TAFA1: variants seen among roughly 807,000 people sequenced by gnomAD.
TAFA1 encodes the protein chemokine-like protein TAFA-1.
In TAFA1, 4 loss-of-function variants were observed where a neutral mutation model predicts 18.5. The ratio of observed to expected loss-of-function variants is 0.22; its 90% CI spans 0.11 to 0.49. TAFA1 has a LOEUF of 0.49. Among genes scored for constraint, TAFA1 ranks in the 20% least tolerant of loss-of-function variants. The pLI, the probability that TAFA1 is intolerant of heterozygous loss-of-function variation, is 0.98. For missense variants in TAFA1, 147 were observed against 169.0 expected (o/e 0.87, Z 0.72); for synonymous variants, 56 against 55.2 (o/e 1.01, Z -0.06).
intron 2 of TAFA1, among the ~76,000 whole-genome samples, chr3:68,157,568 T>C (rs1476581648): frequency 6.6e-6 from 1 of 152,232 alleles, no homozygotes; most frequent in Non-Finnish European, 1.5e-5. Flanking sequence ...CTAAGAAATC[T>C]TATGGTCTCA....
rs184672129 is a variant in TAFA1, at chr3:68,233,356, T to C, written c.119-183924T>C. ...ATTGTACAAAAGCTTTTTAGTCTAA[T>C]ATAGTTTTTCAGTACCATTTATGGA... On this transcript the variant is annotated intron_variant, in intron 2 of 4. Transcript: ENST00000478136. Among the ~76,000 whole-genome samples, 7 of 152,334 alleles carry C rather than the reference T, an allele frequency of 4.6e-5. No homozygotes were observed. In the East Asian group the frequency reaches 1.3e-3, roughly 29 times the overall value.
At chr3:68,499,170 AC>A (rs2072609618) in intron 3 of TAFA1, among the ~76,000 whole-genome samples, 1 of 152,106 alleles carries the variant, frequency 6.6e-6, no homozygotes, top group African/African-American at 2.4e-5. Flanking sequence ...TTTCATTTAT[AC>A]TAAACAACTC....
At chr3:68,523,450 G>A (rs779233452) in intron 3 of TAFA1, among the ~76,000 whole-genome samples, 14 of 152,082 alleles carry the variant, frequency 9.2e-5, no homozygotes, top group East Asian at 1.9e-4. Flanking sequence ...AATTTCTTAG[G>A]ATCAATTTGA....
At chr3:68,293,614 T>G (rs1367563537) in intron 2 of TAFA1, among the ~76,000 whole-genome samples, 4 of 152,222 alleles carry the variant, frequency 2.6e-5, no homozygotes, top group African/African-American at 9.6e-5. Context: ...TAAGAATTAA[T>G]GAGATATTGC....
intron 3 of TAFA1, among the ~76,000 whole-genome samples, chr3:68,498,895 A>C (rs2072604313): frequency 6.6e-6 from 1 of 151,996 alleles, no homozygotes; most frequent in Admixed American, 6.6e-5. Flanking sequence ...AAGGAGATAT[A>C]TTTTTTAACA....
At chr3:68,541,960 G>A (rs980411597) in intron 4 of TAFA1, among the ~76,000 whole-genome samples, 6 of 152,080 alleles carry the variant, frequency 3.9e-5, no homozygotes, top group Non-Finnish European at 8.8e-5. Flanking sequence ...AAATGTGGTG[G>A]TTCATCTAAA....
At chr3:68,022,929 T>G (rs1356095397) in intron 2 of TAFA1, among the ~76,000 whole-genome samples, 2 of 148,506 alleles carry the variant, frequency 1.3e-5, no homozygotes, top group Non-Finnish European at 3.0e-5. Flanking sequence ...ATTATTTCAT[T>G]AATCCTTATA....
chr3:68,388,809 G>T (rs2070164342), intron 2 of TAFA1, among the ~76,000 whole-genome samples: 1 of 151,896 alleles, frequency 6.6e-6, no homozygotes. Flanking sequence ...GGGACCTTTT[G>T]GATGGTGTTT....
chr3:68,501,884 C>T (rs1485310638), intron 3 of TAFA1, among the ~76,000 whole-genome samples: 1 of 152,134 alleles, frequency 6.6e-6, no homozygotes, highest in Non-Finnish European at 1.5e-5. Context: ...AGCATAGAGA[C>T]GTGTAGTGTG....
chr3:68,485,392 G>T (rs1253198558), intron 3 of TAFA1, among the ~76,000 whole-genome samples: 3 of 152,090 alleles, frequency 2.0e-5, no homozygotes, highest in Non-Finnish European at 4.4e-5. Context: ...GTTGTACTTT[G>T]CCACTGGCTT....
chr3:68,055,814 T>C (rs1000360612), intron 2 of TAFA1, among the ~76,000 whole-genome samples: 30 of 152,134 alleles, frequency 2.0e-4, no homozygotes, highest in Admixed American at 2.0e-3. Context: ...TGCCTTAGAA[T>C]GTTGGCTGGG....
intron 2 of TAFA1, among the ~76,000 whole-genome samples, chr3:68,257,797 G>A (rs2067328252): frequency 6.6e-6 from 1 of 152,076 alleles, no homozygotes; most frequent in African/African-American, 2.4e-5. Context: ...TAACCTCACA[G>A]TGGATAAACT....
chr3:68,347,739 G>A (rs1340550200), intron 2 of TAFA1, among the ~76,000 whole-genome samples: 1 of 152,202 alleles, frequency 6.6e-6, no homozygotes, highest in Non-Finnish European at 1.5e-5. Context: ...AAAGAGTAGA[G>A]GCAAGAGGTT....
intron 3 of TAFA1, among the ~76,000 whole-genome samples, chr3:68,479,237 A>ATATAT (rs1314184316): frequency 3.9e-5 from 5 of 126,910 alleles, no homozygotes; most frequent in African/African-American, 1.8e-4. Context: ...CTCAAAAAAA[A>ATATAT]AAAAATATAT....
intron 2 of TAFA1, among the ~76,000 whole-genome samples, chr3:68,392,176 C>CAA (rs57440480): frequency 3.7e-5 from 4 of 109,306 alleles, no homozygotes; most frequent in African/African-American, 1.0e-4. Flanking sequence ...TTTAGGAAAG[C>CAA]AAAAAAAAAA....
chr3:68,408,621 C>G (rs1174644313), intron 2 of TAFA1, among the ~76,000 whole-genome samples: 1 of 152,132 alleles, frequency 6.6e-6, no homozygotes, highest in Non-Finnish European at 1.5e-5. Flanking sequence ...CCCTCCCTCT[C>G]TTTCTTTCCT....
intron 2 of TAFA1, among the ~76,000 whole-genome samples, chr3:68,075,912 G>C (rs954925399): frequency 1.3e-5 from 2 of 152,110 alleles, no homozygotes; most frequent in African/African-American, 4.8e-5. Flanking sequence ...TCCCAGGCTG[G>C]TCTTGAACTC....
intron 3 of TAFA1, among the ~76,000 whole-genome samples, chr3:68,424,266 G>A (rs2071013569): frequency 6.6e-6 from 1 of 151,892 alleles, no homozygotes; most frequent in South Asian, 2.1e-4. Context: ...TGACAGAGAA[G>A]ATGAGACAGA....
chr3:68,389,021 C>G lies in TAFA1; in HGVS notation c.119-28259C>G, dbSNP rs763497341. ...GTATCTCTGACCCTGGGTTAAAGGT[C>G]ACATTACTATTTAATTAAAATAAAA... is the stretch of plus-strand genomic sequence containing the variant. On this transcript the variant is annotated intron_variant, in intron 2 of 4. Transcript: ENST00000478136. 3.1e-4 allele frequency among the ~76,000 whole-genome samples: 47 copies of G among 152,240 alleles called. 1 individual carries two copies. The highest frequency in any genetic ancestry group is 5.9e-4 in the Non-Finnish European group (40 of 68,012).
Sources: allele counts gnomAD v4.1 joint callset (sites outside exome capture counted in the v4.1 genomes callset), GRCh38; gene constraint gnomAD v4.1.1; transcripts MANE v1.5; gene names NCBI Gene and HGNC (gene_info 2026-07-23, HGNC 2026-07-21).